The following TTC19 variants were observed in gnomAD, a reference collection of about 807,000 sequenced individuals.
The protein encoded by TTC19 is tetratricopeptide repeat domain 19, also known as tetratricopeptide repeat protein 19, mitochondrial.
In TTC19, 38 loss-of-function variants were observed where a neutral mutation model predicts 49.5. The ratio of observed to expected loss-of-function variants is 0.77; its 90% CI spans 0.59 to 1.01. The LOEUF is 1.01. TTC19 is among the 50% of genes least tolerant of loss of function. The probability of loss-of-function intolerance (pLI) is 0.00; values close to 1 mark genes in which losing one functional copy is unlikely to be tolerated. For synonymous variants in TTC19, 204 were observed against 185.2 expected, an observed-to-expected ratio of 1.10 and a Z score of -0.83; for missense variants, 475 against 477.7, an observed-to-expected ratio of 0.99 and a Z score of 0.05.
At chr17:16,042,664 G>A (rs2057948085) in intron 2 of TTC19, among the ~76,000 whole-genome samples, 1 of 152,202 alleles carries the variant, frequency 6.6e-6, no homozygotes, top group Admixed American at 6.5e-5. Flanking sequence ...CCACTGTGGA[G>A]GCCAACTTGA....
chr17:16,030,017 A>G (rs1773338732), downstream of TTC19: 1 of 171,058 alleles, frequency 5.8e-6, no homozygotes, highest in African/African-American at 2.4e-5. Context: ...AAAAATCCAC[A>G]TCTAACTTTG....
chr17:16,006,767 G>GT (rs1049360134), intron 7 of TTC19, among the ~76,000 whole-genome samples, 199 bp downstream of exon 7: 19 of 148,150 alleles, frequency 1.3e-4, no homozygotes, highest in African/African-American at 1.7e-4. Flanking sequence ...TTTGGTGGTG[G>GT]TTTTTTTTTT....
rs373591408 is a variant in TTC19 at position 16,039,572 on chromosome 17, C to T, written c.248-4931C>T. On this transcript the variant is annotated intron_variant, in intron 2 of 2. Transcript: ENST00000470649. The stretch of plus-strand genomic sequence containing the variant: ...CCTCAACTTTGTCATCAAAGCTTCC[C>T]ATGAGAGCCTTCCTGATAATGTCTT... The T allele has an allele frequency of 9.3e-6, 15 of 1,614,056 alleles. No individual in the cohort carries two copies. In the African/African-American group the frequency reaches 1.7e-4, roughly 19 times the overall value.
At chr17:16,043,951 C>G (rs2058194836) in intron 2 of TTC19, among the ~76,000 whole-genome samples, 1 of 152,114 alleles carries the variant, frequency 6.6e-6, no homozygotes, top group South Asian at 2.1e-4. Context: ...GGGTGGATCA[C>G]CTGAGGTCAG....
intron 2 of TTC19, among the ~76,000 whole-genome samples, chr17:16,041,800 G>C (rs377298625): frequency 2.0e-5 from 3 of 151,708 alleles, no homozygotes; most frequent in Admixed American, 6.6e-5. Flanking sequence ...GCAGCGGTGC[G>C]ATCTTGGCTC....
downstream of TTC19, chr17:16,032,168 G>T: frequency 1.1e-6 from 1 of 895,634 alleles, no homozygotes; most frequent in Non-Finnish European, 1.6e-6. Flanking sequence ...ATCATCTGTG[G>T]GCTGGCTCTC....
chr17:16,013,178 C>T (rs116704435), intron 7 of TTC19, among the ~76,000 whole-genome samples: 1,818 of 152,238 alleles, frequency 0.012, 41 homozygotes, highest in African/African-American at 0.041. Flanking sequence ...TCCTTCAGCA[C>T]AGGCAATAGA....
At chr17:16,011,730 A>G (rs1971075449) in intron 7 of TTC19, among the ~76,000 whole-genome samples, 1 of 152,210 alleles carries the variant, frequency 6.6e-6, no homozygotes, top group Non-Finnish European at 1.5e-5. Context: ...TTGGCTATTT[A>G]TGTACTTTGT....
Position 16,027,715 on chromosome 17 carries a change from C to G in TTC19, c.*193C>G, listed in dbSNP as rs1039024151. On this transcript the variant is annotated 3_prime_UTR_variant, in exon 10 of 10. Coordinates refer to ENST00000261647, the MANE Select transcript of TTC19 (RefSeq NM_017775.4). ...TTAAAGGAAAAATGACTTTCATTCCCAACTGATTATGACCTTTCAGGATGT... is the reference window on the plus strand; with the variant it reads ...TTAAAGGAAAAATGACTTTCATTCCGAACTGATTATGACCTTTCAGGATGT... 1 of 682,942 alleles carries G rather than the reference C, an allele frequency of 1.5e-6. No individual in the cohort carries two copies. Among genetic ancestry groups the G allele is most frequent in the South Asian group, 1.5e-5 (1 of 66,752 alleles). The allele number at this position is 682,942 out of a possible 1,614,324, so 42.3% of individuals were successfully genotyped here.
chr17:16,019,558 C>G (rs1431224432), intron 7 of TTC19, among the ~76,000 whole-genome samples: 3 of 151,314 alleles, frequency 2.0e-5, no homozygotes, highest in Non-Finnish European at 2.9e-5. Context: ...GTGACTTCCT[C>G]TAATTAATCC....
chr17:16,027,370 T>G lies in TTC19; in HGVS notation c.995-4T>G. On this transcript the variant is annotated splice_region_variant and splice_polypyrimidine_tract_variant and intron_variant, in intron 9 of 9. Coordinates refer to ENST00000261647, the MANE Select transcript of TTC19 (RefSeq NM_017775.4). Reference sequence around the variant, plus strand: ...TACTGTCCCTTCTCTCTGGGTTATTTTAGAACGATATACACAAGCAAAAGA... The same window carrying G: ...TACTGTCCCTTCTCTCTGGGTTATTGTAGAACGATATACACAAGCAAAAGA... The G allele has an allele frequency of 6.2e-7, 1 of 1,613,958 alleles. No homozygotes were observed.
chr17:16,007,831 CAG>C (rs2151654421), intron 7 of TTC19, among the ~76,000 whole-genome samples: 1 of 152,302 alleles, frequency 6.6e-6, no homozygotes, highest in Non-Finnish European at 1.5e-5. Flanking sequence ...TGGTTGACTG[CAG>C]ATAACTGAAA....
intron 7 of TTC19, among the ~76,000 whole-genome samples, chr17:16,013,968 G>C (rs1271608504): frequency 6.6e-6 from 1 of 152,212 alleles, no homozygotes; most frequent in African/African-American, 2.4e-5. Flanking sequence ...CAGCAATAGG[G>C]AGCAGGCTGT....
intron 7 of TTC19, among the ~76,000 whole-genome samples, chr17:16,016,748 G>A (rs149003595): frequency 3.0e-4 from 46 of 152,062 alleles, no homozygotes; most frequent in Middle Eastern, 3.4e-3. Context: ...AGTTGAGATC[G>A]GGTTTCACCA....
chr17:16,033,250 G>T (rs1480834417), downstream of TTC19, among the ~76,000 whole-genome samples: 2 of 148,054 alleles, frequency 1.4e-5, no homozygotes, highest in South Asian at 4.2e-4. Flanking sequence ...CAGGAGAATC[G>T]CCTGAACCCA....
chr17:16,002,652 T>C (rs757464818), intron 3 of TTC19, 141 bp from the exon 4 acceptor site: 1 of 769,910 alleles, frequency 1.3e-6, no homozygotes, highest in South Asian at 1.4e-5. Context: ...TGCTTCTTCT[T>C]GCAGATTAAT....
At chr17:16,009,442 C>A (rs184113931) in intron 7 of TTC19, among the ~76,000 whole-genome samples, 178 of 152,244 alleles carry the variant, frequency 1.2e-3, no homozygotes, top group African/African-American at 3.8e-3. Flanking sequence ...TGGGATGATA[C>A]TGTATATCCT....
At chr17:16,022,701 ATTC>A (rs1226926253) in intron 7 of TTC19, among the ~76,000 whole-genome samples, 1 of 152,180 alleles carries the variant, frequency 6.6e-6, no homozygotes, top group African/African-American at 2.4e-5. Flanking sequence ...ATACTGAACC[ATTC>A]TTTTATTCCT....
At chr17:16,033,756 T>C (rs1005648435), downstream of TTC19, among the ~76,000 whole-genome samples, 3 of 152,174 alleles carry the variant, frequency 2.0e-5, no homozygotes, top group Admixed American at 1.3e-4. Context: ...TCCTGGAGTA[T>C]TGTTTTTCAT....
Sources: allele counts gnomAD v4.1 joint callset (sites outside exome capture counted in the v4.1 genomes callset), GRCh38; gene constraint gnomAD v4.1.1; transcripts MANE v1.5; gene names NCBI Gene and HGNC (gene_info 2026-07-23, HGNC 2026-07-21).